Variants in CGREF1 observed in about 807,000 individuals in gnomAD.
CGREF1 encodes cell growth regulator with EF hand domain protein 1.
A neutral mutation model predicts 17.4 loss-of-function variants in CGREF1; 16 were observed. That is an observed-to-expected ratio of 0.92 (90% CI 0.62 to 1.40). The LOEUF (loss-of-function observed/expected upper bound fraction) is 1.40. Ranked by LOEUF, CGREF1 falls within the 40% of genes most tolerant of loss-of-function variation. The pLI is 0.00. For synonymous variants in CGREF1, 142 were observed against 154.6 expected, an observed-to-expected ratio of 0.92 and a Z score of 0.61; for missense variants, 296 against 376.4, an observed-to-expected ratio of 0.79 and a Z score of 1.77.
chr2:27,104,459 G>T (rs773216543), intron 1 of CGREF1, 82 bp from the exon 2 acceptor site: 2 of 1,564,704 alleles, frequency 1.3e-6, no homozygotes, highest in East Asian at 2.4e-5. Context: ...AGACACAAGC[G>T]CATTTTCTGC....
chr2:27,101,256 T>TAC lies in CGREF1; in HGVS notation c.*16_*17dup. 1 of 1,529,970 alleles carries TAC rather than the reference T, an allele frequency of 6.5e-7. No individual in the cohort carries two copies. Among genetic ancestry groups the TAC allele is most frequent in the Non-Finnish European group, 8.8e-7 (1 of 1,138,384 alleles). The allele number at this position is 1,529,970 out of a possible 1,614,324, so 94.8% of individuals were successfully genotyped here. On this transcript the variant is annotated 3_prime_UTR_variant, in exon 6 of 6. Coordinates refer to ENST00000402394, the MANE Select transcript of CGREF1 (RefSeq NM_006569.6). ...GTTCTGGCACTGAGACTTCGTGGGGTACCTGTATCTTCAAGATCTAGATCT... is the reference window on the plus strand; with the variant it reads ...GTTCTGGCACTGAGACTTCGTGGGGTACACCTGTATCTTCAAGATCTAGATCT...
Position 27,101,783 on chromosome 2 carries a change from C to T in CGREF1, c.448G>A (p.Val150Met), listed in dbSNP as rs776276207. Residue 150 changes from valine (V) to methionine (M), a missense_variant, in exon 6 of 6, where the codon GTG (valine) becomes ATG (methionine). This residue lies in a region of CGREF1 where 247 missense variants were observed against 267.2 expected (regional missense o/e 0.92). Transcript: ENST00000402394. ...GGAGCAAGGGGCTCTCCGGGCTCCACGTGCCTGAGGGCTACTCCCGGGAAG... is the reference window on the plus strand; with the variant it reads ...GGAGCAAGGGGCTCTCCGGGCTCCATGTGCCTGAGGGCTACTCCCGGGAAG... ...INFPGVALRH[V>M]EPGEPLAPSP... 1.4e-5 allele frequency: 22 copies of T among 1,614,116 alleles called. No individual in the cohort carries two copies. The highest frequency in any genetic ancestry group is 4.5e-5 in the East Asian group (2 of 44,896).
downstream of CGREF1, chr2:27,099,373 G>C (rs758228868): frequency 7.4e-6 from 12 of 1,612,324 alleles, no homozygotes; most frequent in South Asian, 6.6e-5. Context: ...AGGATGGCTG[G>C]GGGGACGGGG....
downstream of CGREF1, chr2:27,100,107 G>T (rs543113175): frequency 8.8e-6 from 5 of 571,234 alleles, no homozygotes; most frequent in South Asian, 8.0e-5. Context: ...GGCTAGAGCA[G>T]CGAGAAGTGC....
At chr2:27,116,631 G>A (rs557561790) in intron 1 of CGREF1, among the ~76,000 whole-genome samples, 73 of 151,198 alleles carry the variant, frequency 4.8e-4, no homozygotes, top group African/African-American at 1.7e-3. Flanking sequence ...GTGCAATGGC[G>A]CGATCTCAGC....
At chr2:27,113,337 G>A (rs1259354878) in intron 1 of CGREF1, among the ~76,000 whole-genome samples, 2 of 152,084 alleles carry the variant, frequency 1.3e-5, no homozygotes, top group East Asian at 1.9e-4. Flanking sequence ...AAGACCAGAG[G>A]GCAAGCATCC....
At position 27,102,446 on chromosome 2, in the gene CGREF1, A is replaced by G. The variant is rs754459080; in HGVS notation, c.147-16T>C. ...CTGCAGAAGTCTGTCAGAAAAGTGGAGAATCAGCCCGGGAGAGGTGAGTCT... is the reference window on the plus strand; with the variant it reads ...CTGCAGAAGTCTGTCAGAAAAGTGGGGAATCAGCCCGGGAGAGGTGAGTCT... On this transcript the variant is annotated splice_polypyrimidine_tract_variant and intron_variant, in intron 3 of 5. Coordinates refer to ENST00000402394, the MANE Select transcript of CGREF1 (RefSeq NM_006569.6). The G allele has an allele frequency of 6.2e-7, 1 of 1,613,998 alleles. No homozygotes were observed. Among genetic ancestry groups the G allele is most frequent in the South Asian group, 1.1e-5 (1 of 91,080 alleles).
intron 1 of CGREF1, among the ~76,000 whole-genome samples, chr2:27,113,744 C>T (rs555182826): frequency 5.3e-5 from 8 of 152,242 alleles, no homozygotes; most frequent in Non-Finnish European, 1.0e-4. Context: ...ATTAATGAGA[C>T]AAGATGTGTA....
chr2:27,106,967 A>G (rs1671144515), intron 1 of CGREF1, among the ~76,000 whole-genome samples: 1 of 152,166 alleles, frequency 6.6e-6, no homozygotes. Flanking sequence ...GTATGGTCAG[A>G]ACATCTAAAG....
intron 1 of CGREF1, among the ~76,000 whole-genome samples, chr2:27,117,851 G>T (rs1027719052): frequency 6.6e-6 from 1 of 152,080 alleles, no homozygotes; most frequent in Non-Finnish European, 1.5e-5. Flanking sequence ...GAGTATCTGG[G>T]ACTACAGGCG....
intron 1 of CGREF1, among the ~76,000 whole-genome samples, chr2:27,106,411 C>T (rs1671121010): frequency 6.6e-6 from 1 of 152,170 alleles, no homozygotes; most frequent in African/African-American, 2.4e-5. Context: ...CCTGGGCCCA[C>T]CTGATATGAA....
chr2:27,110,245 T>TA (rs1473005612), intron 1 of CGREF1, among the ~76,000 whole-genome samples: 2 of 151,896 alleles, frequency 1.3e-5, no homozygotes, highest in South Asian at 2.1e-4. Context: ...AAATAATTTT[T>TA]AAAAAAATTA....
At chr2:27,109,083 G>C (rs575111590) in intron 1 of CGREF1, among the ~76,000 whole-genome samples, 1 of 152,214 alleles carries the variant, frequency 6.6e-6, no homozygotes, top group African/African-American at 2.4e-5. Context: ...TTCATTAAAG[G>C]AAATTCAGCT....
chr2:27,101,634 C>T lies in CGREF1; in HGVS notation c.597G>A (p.Arg199=). Residue 199 remains arginine, a synonymous_variant, in exon 6 of 6, where the codon AGG becomes AGA. Coordinates refer to ENST00000402394, the MANE Select transcript of CGREF1 (RefSeq NM_006569.6). ...GCTCCTGGACAGGATCCAAAGACTCCCTTCTGGCCTCTACCTGGCCCTTTG... is the reference window on the plus strand; with the variant it reads ...GCTCCTGGACAGGATCCAAAGACTCTCTTCTGGCCTCTACCTGGCCCTTTG... ...EEAKGQVEAR[R]ESLDPVQEPG... The T allele has an allele frequency of 6.2e-7, 1 of 1,614,164 alleles. No individual in the cohort carries two copies. The highest frequency in any genetic ancestry group is 8.5e-7 in the Non-Finnish European group (1 of 1,180,034).
intron 1 of CGREF1, among the ~76,000 whole-genome samples, chr2:27,111,242 A>C (rs1336305846): frequency 1.3e-5 from 2 of 152,168 alleles, no homozygotes; most frequent in Non-Finnish European, 2.9e-5. Context: ...TGAGCTAGAC[A>C]CAAAGGTTCT....
In CGREF1 at chr2:27,100,929, G is replaced by A. The variant is rs1040251891; in HGVS notation, c.*345C>T. The A allele has an allele frequency of 5.0e-5, 55 of 1,104,496 alleles. No homozygotes were observed. Among genetic ancestry groups the A allele is most frequent in the African/African-American group, 1.5e-4 (9 of 60,794 alleles). The allele number at this position is 1,104,496 out of a possible 1,614,324, so 68.4% of individuals were successfully genotyped here. On this transcript the variant is annotated 3_prime_UTR_variant, in exon 6 of 6. Coordinates refer to ENST00000402394, the MANE Select transcript of CGREF1 (RefSeq NM_006569.6). Reference sequence around the variant, plus strand: ...TTTCCTCACTGGGTCCTCTGCAGCCGGCCATGGCTAGCACCATGCGCTCTG... The same window carrying A: ...TTTCCTCACTGGGTCCTCTGCAGCCAGCCATGGCTAGCACCATGCGCTCTG...
At position 27,101,648 on chromosome 2, in the gene CGREF1, C is replaced by T; in HGVS notation, c.583G>A (p.Val195Ile). 1 of 1,614,256 alleles carries T rather than the reference C, an allele frequency of 6.2e-7. No individual in the cohort carries two copies. Among genetic ancestry groups the T allele is most frequent in the South Asian group, 1.1e-5 (1 of 91,090 alleles). The change falls in exon 6 of 6, where the codon GTA (valine) becomes ATA (isoleucine). Residue 195 changes from valine (V) to isoleucine (I), a missense_variant. This residue lies in a region of CGREF1 where 247 missense variants were observed against 267.2 expected (regional missense o/e 0.92). Transcript: ENST00000402394. ...TCCAAAGACTCCCTTCTGGCCTCTA[C>T]CTGGCCCTTTGCTTCTTCTCTGGGA... is the stretch of plus-strand genomic sequence containing the variant. ...PGPREEAKGQ[V>I]EARRESLDPV... is the part of the protein sequence containing the mutation.
At chr2:27,112,396 A>G (rs1671424785) in intron 1 of CGREF1, among the ~76,000 whole-genome samples, 1 of 152,230 alleles carries the variant, frequency 6.6e-6, no homozygotes, top group South Asian at 2.1e-4. Flanking sequence ...GATATGGCCA[A>G]TTTCCTAGAA....
chr2:27,114,219 T>A (rs956572672), intron 1 of CGREF1, among the ~76,000 whole-genome samples: 1 of 151,936 alleles, frequency 6.6e-6, no homozygotes, highest in African/African-American at 2.4e-5. Flanking sequence ...GGTCTCGATC[T>A]CTTGACCTCG....
Sources: gnomAD v4.1 joint callset for allele counts (sites outside exome capture counted in the v4.1 genomes callset) on GRCh38, gnomAD v4.1.1 for gene constraint, gnomAD v4.1.1 regional missense constraint, MANE v1.5 for transcripts, NCBI Gene and HGNC (gene_info 2026-07-23, HGNC 2026-07-21) for gene names.